Variants in NCOR2 observed in about 807,000 individuals in gnomAD.
NCOR2 encodes the protein nuclear receptor corepressor 2, also known as CTG repeat protein 26.
Under a neutral mutation model 262.9 loss-of-function variants are expected in NCOR2, and 81 were observed. The ratio of observed to expected loss-of-function variants is 0.31; its 90% CI spans 0.26 to 0.37. NCOR2 has a LOEUF of 0.37. Ranked by LOEUF, NCOR2 falls within the 10% of genes least tolerant of loss-of-function variation. The pLI is 1.00. For synonymous variants in NCOR2, 1,659 were observed against 1,559.3 expected (o/e 1.06, Z -1.51); for missense variants, 3,385 against 3,621.4 (o/e 0.93, Z 1.68).
intron 16 of NCOR2, among the ~76,000 whole-genome samples, chr12:124,396,728 C>T (rs1251140236): frequency 6.6e-6 from 1 of 152,036 alleles, no homozygotes; most frequent in Non-Finnish European, 1.5e-5. Flanking sequence ...GGGCAGGGTC[C>T]CGGGGTGAGG....
intron 18 of NCOR2, among the ~76,000 whole-genome samples, chr12:124,375,979 A>G (rs2039962172): frequency 6.6e-6 from 1 of 152,126 alleles, no homozygotes; most frequent in Non-Finnish European, 1.5e-5. Flanking sequence ...TCACCTCCCC[A>G]TCCTGAGCAC....
chr12:124,388,723 G>C (rs773233035), intron 16 of NCOR2: 1 of 1,304,368 alleles, frequency 7.7e-7, no homozygotes, highest in South Asian at 1.2e-5. Flanking sequence ...CAAGTTTTCC[G>C]GAAACATAGG....
chr12:124,501,977 C>A (rs12313314), intron 1 of NCOR2, among the ~76,000 whole-genome samples: 1 of 152,292 alleles, frequency 6.6e-6, no homozygotes, highest in South Asian at 2.1e-4. Flanking sequence ...CAAGACGCTG[C>A]GGAGCGCCAG....
intron 1 of NCOR2, 145 bp from the exon 4 acceptor site, chr12:124,486,713 C>A: frequency 9.3e-7 from 1 of 1,073,212 alleles, no homozygotes; most frequent in Non-Finnish European, 1.3e-6. Context: ...CAGGGAACCT[C>A]AGGGACCGTC....
chr12:124,489,493 G>A (rs1593792345), intron 1 of NCOR2, among the ~76,000 whole-genome samples: 1 of 152,208 alleles, frequency 6.6e-6, no homozygotes, highest in Non-Finnish European at 1.5e-5. Context: ...GCTTTCTGAG[G>A]AGGGACAAGA....
At chr12:124,448,216 C>A (rs1381817313) in intron 7 of NCOR2, among the ~76,000 whole-genome samples, 1 of 152,224 alleles carries the variant, frequency 6.6e-6, no homozygotes, top group African/African-American at 2.4e-5. Context: ...ATCCCCTAAA[C>A]CACCTGTGAT....
At chr12:124,376,965 C>G (rs533847558) in intron 18 of NCOR2, among the ~76,000 whole-genome samples, 4 of 152,150 alleles carry the variant, frequency 2.6e-5, no homozygotes, top group African/African-American at 9.7e-5. Context: ...CCTCCAGGGG[C>G]CTTCGGTCAC....
chr12:124,506,467 TTC>T (rs1222660998), intron 1 of NCOR2, among the ~76,000 whole-genome samples: 3 of 151,550 alleles, frequency 2.0e-5, no homozygotes, highest in Non-Finnish European at 2.9e-5. Flanking sequence ...TCAAAATCAC[TTC>T]CTCCTCCCCT....
At chr12:124,401,707 C>T (rs529538867) in intron 14 of NCOR2, among the ~76,000 whole-genome samples, 187 of 152,334 alleles carry the variant, frequency 1.2e-3, no homozygotes, top group Non-Finnish European at 2.3e-3. Flanking sequence ...AGTTTTACTG[C>T]GGGAGGCTCA....
intron 1 of NCOR2, among the ~76,000 whole-genome samples, chr12:124,522,815 G>T (rs1440105118): frequency 6.6e-6 from 1 of 152,202 alleles, no homozygotes; most frequent in African/African-American, 2.4e-5. Context: ...TGGCCCCAGG[G>T]CCCCCCTATA....
chr12:124,326,198 C>T (rs776052645), exon 46 of NCOR2: 73 of 1,528,474 alleles, frequency 4.8e-5, no homozygotes, highest in South Asian at 1.5e-4. Flanking sequence ...CACCTGCGGA[C>T]GAGGGCCTGT....
chr12:124,442,879 G>C (rs1424014182), intron 7 of NCOR2, among the ~76,000 whole-genome samples: 1 of 152,172 alleles, frequency 6.6e-6, no homozygotes, highest in Non-Finnish European at 1.5e-5. Flanking sequence ...CAAAAAGACA[G>C]ACACACACGG....
Position 124,528,505 on chromosome 12 carries a change from G to A in NCOR2, c.-118+7060C>T, listed in dbSNP as rs141386036. 1.2e-4 allele frequency among the ~76,000 whole-genome samples: 19 copies of A among 152,224 alleles called. No individual in the cohort carries two copies. The East Asian group carries it at 1.9e-3, about 15-fold the overall frequency. ...CTCCCTTGCCCCAAAATAGCTCCCC[G>A]GAAGGCAGGTGTGGTTTTGCCCAAG... On this transcript the variant is annotated intron_variant, in intron 1 of 46. Transcript: ENST00000404621.
At chr12:124,393,252 C>T (rs991081007) in intron 16 of NCOR2, among the ~76,000 whole-genome samples, 5 of 152,184 alleles carry the variant, frequency 3.3e-5, no homozygotes, top group East Asian at 3.9e-4. Flanking sequence ...CCCCACTTGG[C>T]GCTGGGCCCG....
Position 124,548,148 on chromosome 12 carries a change from T to A in NCOR2, c.-164-12537A>T, listed in dbSNP as rs536517632. On this transcript the variant is annotated intron_variant, in intron 1 of 32. Transcript: ENST00000458234. The surrounding 1 kb of genome is among the most constrained non-coding windows in gnomAD (Gnocchi z 5.1). ...CACTCTAACTCTCCTCCACATCACA[T>A]CAGGCCTCCTAAACGTGCACTGAGC... Among the ~76,000 whole-genome samples the A allele has an allele frequency of 5.9e-5, 9 of 152,074 alleles. No individual in the cohort carries two copies. In the East Asian group the frequency reaches 1.7e-3, roughly 29 times the overall value.
At chr12:124,438,187 C>A (rs901792433) in intron 7 of NCOR2, among the ~76,000 whole-genome samples, 191 bp from the exon 10 acceptor site, 1 of 152,070 alleles carries the variant, frequency 6.6e-6, no homozygotes, top group Non-Finnish European at 1.5e-5. Context: ...CCCCCGCGCG[C>A]GAGGCAGCCC....
chr12:124,359,213 G>T (rs1237162644), intron 22 of NCOR2, among the ~76,000 whole-genome samples: 1 of 152,232 alleles, frequency 6.6e-6, no homozygotes, highest in Non-Finnish European at 1.5e-5. Flanking sequence ...GAGATAACCG[G>T]CCAAGAAGTT....
chr12:124,523,546 G>A lies in NCOR2; in HGVS notation c.-118+12019C>T, dbSNP rs979537881. 7.9e-5 allele frequency among the ~76,000 whole-genome samples: 12 copies of A among 151,820 alleles called. No individual in the cohort carries two copies. Among genetic ancestry groups the A allele is most frequent in the South Asian group, 2.1e-4 (1 of 4,802 alleles). ...GCGGCCTCCACTGTGCCTTACAACC[G>A]GCGTGTCCAGTCTTTTGGCTTCACT... On this transcript the variant is annotated intron_variant, in intron 1 of 46. Transcript: ENST00000404621. The surrounding 1 kb of genome is among the most constrained non-coding windows in gnomAD (Gnocchi z 4.0).
At chr12:124,403,348 C>T (rs1193945504) in intron 13 of NCOR2, among the ~76,000 whole-genome samples, 1 of 152,170 alleles carries the variant, frequency 6.6e-6, no homozygotes, top group Non-Finnish European at 1.5e-5. Flanking sequence ...GCCAAGCCAG[C>T]CTCCTTACTT....
Sources: allele counts gnomAD v4.1 joint callset (sites outside exome capture counted in the v4.1 genomes callset), GRCh38; gene constraint gnomAD v4.1.1; non-coding constraint Gnocchi (gnomAD v3.1); transcripts MANE v1.5; gene names NCBI Gene and HGNC (gene_info 2026-07-23, HGNC 2026-07-21).